TRIOBP: variants seen among roughly 807,000 people sequenced by gnomAD.
TRIOBP encodes TRIO and F-actin-binding protein.
Under a neutral mutation model 238.8 loss-of-function variants are expected in TRIOBP, and 169 were observed. That is an observed-to-expected ratio of 0.71 (90% confidence interval 0.62 to 0.80). The LOEUF (loss-of-function observed/expected upper bound fraction) is 0.80, where lower values mean the gene tolerates loss of function less well. Among genes scored for constraint, TRIOBP ranks in the 30% least tolerant of loss-of-function variants. The pLI, the probability that TRIOBP is intolerant of heterozygous loss-of-function variation, is 0.00. For synonymous variants in TRIOBP, 1,150 were observed against 1,274.4 expected, an observed-to-expected ratio of 0.90 and a Z score of 2.08; for missense variants, 2,838 against 3,122.6, an observed-to-expected ratio of 0.91 and a Z score of 2.17.
At chr22:37,740,846 C>T in intron 10 of TRIOBP, 49 bp from the exon 11 acceptor site, 4 of 1,553,530 alleles carry the variant, frequency 2.6e-6, no homozygotes, top group Non-Finnish European at 3.5e-6. Context: ...CAGGGGTGCC[C>T]CCATCCTGCC....
intron 12 of TRIOBP, 82 bp downstream of exon 12, chr22:37,751,910 CTGGGGCTGGTGTGAGAACCCTGGGGG>C (rs1349440357): frequency 1.6e-6 from 1 of 610,976 alleles, no homozygotes; most frequent in Non-Finnish European, 2.6e-6. Context: ...GGGGGTGGGG[CTGGGGCTGGTGTGAGAACCCTGGGGG>C]TGGGGCTGGG....
At chr22:37,766,803 A>G (rs1926517256) in intron 18 of TRIOBP, among the ~76,000 whole-genome samples, 1 of 151,932 alleles carries the variant, frequency 6.6e-6, no homozygotes, top group African/African-American at 2.4e-5. Flanking sequence ...TCTACTAAAA[A>G]TACAAAAATT....
At chr22:37,759,648 G>A (rs955779708) in intron 17 of TRIOBP, 1 of 1,530,860 alleles carries the variant, frequency 6.5e-7, no homozygotes, top group Non-Finnish European at 8.7e-7. Context: ...TGAACACAGG[G>A]AAATCCTGCC....
chr22:37,767,321 A>G (rs1301822762), intron 18 of TRIOBP, among the ~76,000 whole-genome samples: 2 of 150,528 alleles, frequency 1.3e-5, no homozygotes, highest in Non-Finnish European at 1.5e-5. Context: ...AAAAAGAAAG[A>G]AAAAAAGGAG....
chr22:37,759,870 A>G lies in TRIOBP; in HGVS notation c.6324+606A>G, dbSNP rs1477780578. Reference sequence around the variant, plus strand: ...CTAGAAAAAACGTGTGTGTGTACACATATATAAGTTTATTATAAATTTTAC... The same window carrying G: ...CTAGAAAAAACGTGTGTGTGTACACGTATATAAGTTTATTATAAATTTTAC... On this transcript the variant is annotated intron_variant, in intron 17 of 23. Transcript: ENST00000644935. 7.7e-6 allele frequency: 5 copies of G among 649,224 alleles called. No homozygotes were observed. In the Admixed American group the frequency reaches 1.4e-4, roughly 18 times the overall value. 40.2% of individuals were successfully genotyped at this position (649,224 alleles called of 1,614,324 possible).
At chr22:37,702,570 T>A (rs1352972317) in intron 3 of TRIOBP, among the ~76,000 whole-genome samples, 1 of 151,892 alleles carries the variant, frequency 6.6e-6, no homozygotes, top group African/African-American at 2.4e-5. Context: ...AAAGGGAGAT[T>A]AGCAGATGTT....
rs1924115954 is a variant in TRIOBP at position 37,725,810 on chromosome 22, TC to T, written c.3258del (p.Phe1087SerfsTer126). 6.2e-7 allele frequency: 1 copy of T among 1,601,266 alleles called. No homozygotes were observed. The highest frequency in any genetic ancestry group is 1.1e-5 in the South Asian group (1 of 90,332). The stretch of plus-strand genomic sequence containing the variant: ...CCCCGCCACACCCAATTTGACCCCT[TC>T]CCCTTCCTCCCAGACACATCAGATG... ...SPPRHTQFDPFPFLPDTSDAE... is the reference protein window; with the variant it reads ...SPPRHTQFDPXPFLPDTSDAE... On this transcript the variant is annotated frameshift_variant, in exon 7 of 24. Coordinates refer to ENST00000644935, the MANE Select transcript of TRIOBP (RefSeq NM_001039141.3). LOFTEE classifies it high-confidence loss of function.
At chr22:37,720,889 G>A (rs147783425) in intron 6 of TRIOBP, among the ~76,000 whole-genome samples, 52 of 151,942 alleles carry the variant, frequency 3.4e-4, no homozygotes, top group Non-Finnish European at 1.3e-4. Flanking sequence ...ACAGAGTCTC[G>A]CTCTGTCACC....
At chr22:37,733,561 C>T (rs1180640159) in intron 8 of TRIOBP, 149 bp downstream of exon 8, 2 of 661,388 alleles carry the variant, frequency 3.0e-6, no homozygotes, top group Non-Finnish European at 5.4e-6. Flanking sequence ...TCTCCCCTCT[C>T]CCCAACGGCC....
In TRIOBP at chr22:37,701,198, T is replaced by TAA. The variant is rs34316404; in HGVS notation, c.-60-107_-60-106dup. Reference sequence around the variant, plus strand: ...ACAGGAACCCAAAGGAATGGATGAGTAACCTTATTTCCTTGGTCCTTGTCT... The same window carrying TAA: ...ACAGGAACCCAAAGGAATGGATGAGTAAAACCTTATTTCCTTGGTCCTTGTCT... On this transcript the variant is annotated intron_variant, in intron 2 of 23. Coordinates refer to ENST00000644935, the MANE Select transcript of TRIOBP (RefSeq NM_001039141.3). 0.28 allele frequency: 172,993 copies of TAA among 625,720 alleles called. 25,257 individuals are homozygous for TAA. The highest frequency in any genetic ancestry group is 0.38 in the South Asian group (22,205 of 58,376). The allele number at this position is 625,720 out of a possible 1,614,324, so 38.8% of individuals were successfully genotyped here. A position where few individuals can be genotyped will look rare whatever the true frequency, so the allele number is the denominator to read the frequency against.
At chr22:37,751,388 G>T (rs556911712) in intron 11 of TRIOBP, 1 of 358,626 alleles carries the variant, frequency 2.8e-6, no homozygotes, top group South Asian at 2.2e-5. Context: ...TGGACAGTTC[G>T]CGCAGTGCTG....
Position 37,725,356 on chromosome 22 carries a change from T to C in TRIOBP, c.2800T>C (p.Trp934Arg). 6.2e-7 allele frequency: 1 copy of C among 1,613,246 alleles called. No individual in the cohort carries two copies. The highest frequency in any genetic ancestry group is 8.5e-7 in the Non-Finnish European group (1 of 1,179,448). Residue 934 changes from tryptophan to arginine, a missense_variant, in exon 7 of 24, where the codon TGG (tryptophan) becomes CGG (arginine). Trp to Arg is a moderately radical substitution (Grantham distance 101). This residue lies in a region of TRIOBP where 2,096 missense variants were observed against 2,137.4 expected (regional missense o/e 0.98). Coordinates refer to ENST00000644935, the MANE Select transcript of TRIOBP (RefSeq NM_001039141.3). ...TCGCTCCAAGCAAAGCGAGGTTCCCTGGGCATCCATCGCCCTCCGGCCAAC... is the reference window on the plus strand; with the variant it reads ...TCGCTCCAAGCAAAGCGAGGTTCCCCGGGCATCCATCGCCCTCCGGCCAAC... Reference protein sequence around the residue: ...PSRSKQSEVPWASIALRPTQG... With the variant: ...PSRSKQSEVPRASIALRPTQG...
chr22:37,702,484 G>A (rs1199389340), intron 3 of TRIOBP, among the ~76,000 whole-genome samples: 1 of 152,096 alleles, frequency 6.6e-6, no homozygotes, highest in African/African-American at 2.4e-5. Context: ...GATTACAGGC[G>A]TGAGCCACCG....
intron 3 of TRIOBP, among the ~76,000 whole-genome samples, chr22:37,706,053 G>T: frequency 6.6e-6 from 1 of 152,124 alleles, no homozygotes; most frequent in East Asian, 1.9e-4. Context: ...TTGAGATGGA[G>T]GCAAATGGAC....
At position 37,705,496 on chromosome 22, in the gene TRIOBP, G is replaced by C. The variant is rs571108058; in HGVS notation, c.114+4017G>C. Among the ~76,000 whole-genome samples the C allele has an allele frequency of 2.8e-4, 42 of 152,214 alleles. No homozygotes were observed. The South Asian group carries it at 6.8e-3, about 25-fold the overall frequency. ...GAGCTATAGGACAAGGATGGAGAAT[G>C]GGGGGAGGCCTGGTCTCACTGGCCT... is the stretch of plus-strand genomic sequence containing the variant. On this transcript the variant is annotated intron_variant, in intron 3 of 23. Coordinates refer to ENST00000644935, the MANE Select transcript of TRIOBP (RefSeq NM_001039141.3).
intron 6 of TRIOBP, among the ~76,000 whole-genome samples, chr22:37,716,383 A>G (rs1923521012): frequency 6.6e-6 from 1 of 151,948 alleles, no homozygotes; most frequent in East Asian, 1.9e-4. Flanking sequence ...AATTGCCGGG[A>G]TTACAGGCGT....
chr22:37,757,678 CAG>C lies in TRIOBP; in HGVS notation c.5754_5755del (p.Glu1920AlafsTer6). 1 of 1,589,688 alleles carries C rather than the reference CAG, an allele frequency of 6.3e-7. No individual in the cohort carries two copies. Among genetic ancestry groups the C allele is most frequent in the Non-Finnish European group, 8.6e-7 (1 of 1,169,402 alleles). ...AGCACCCAGAAGGGCCCCCTGAAGG[CAG>C]GGGAGCAGCGGGCGGGCTCTGAGGT... On this transcript the variant is annotated frameshift_variant, in exon 16 of 24. Transcript: ENST00000644935. LOFTEE classifies it high-confidence loss of function.
At chr22:37,728,038 A>C (rs2145837342) in intron 7 of TRIOBP, among the ~76,000 whole-genome samples, 1 of 152,374 alleles carries the variant, frequency 6.6e-6, no homozygotes, top group South Asian at 2.1e-4. Context: ...ATCTAACTTT[A>C]GAACATTTTC....
intron 22 of TRIOBP, 129 bp downstream of exon 22, chr22:37,771,865 C>G (rs1018837454): frequency 6.0e-6 from 5 of 826,984 alleles, no homozygotes; most frequent in Non-Finnish European, 1.0e-5. Flanking sequence ...TGTGCTTCTC[C>G]CATGTAGGTG....
Sources: allele counts gnomAD v4.1 joint callset (sites outside exome capture counted in the v4.1 genomes callset), GRCh38; gene constraint gnomAD v4.1.1; regional missense constraint gnomAD v4.1.1; transcripts MANE v1.5; gene names NCBI Gene and HGNC (gene_info 2026-07-23, HGNC 2026-07-21).